The following HHAT variants were observed in gnomAD, a reference collection of about 807,000 sequenced individuals.
HHAT encodes hedgehog acyltransferase, also known as protein-cysteine N-palmitoyltransferase HHAT.
Under a neutral mutation model 70.8 loss-of-function variants are expected in HHAT, and 47 were observed. The observed-to-expected ratio is 0.66, with a 90% confidence interval of 0.53 to 0.85. The LOEUF is 0.85. Among genes scored for constraint, HHAT ranks in the 40% least tolerant of loss-of-function variants. The probability of loss-of-function intolerance (pLI) is 0.00; values close to 1 mark genes in which losing one functional copy is unlikely to be tolerated. For missense variants in HHAT, 609 were observed against 604.8 expected, an observed-to-expected ratio of 1.01 and a Z score of -0.07; for synonymous variants, 228 against 247.6, an observed-to-expected ratio of 0.92 and a Z score of 0.74.
intron 11 of HHAT, among the ~76,000 whole-genome samples, chr1:210,660,903 C>T (rs1261734651): frequency 6.6e-6 from 1 of 152,148 alleles, no homozygotes; most frequent in Non-Finnish European, 1.5e-5. Context: ...ACACCTTATA[C>T]AAACATTAAT....
intron 8 of HHAT, among the ~76,000 whole-genome samples, chr1:210,479,159 A>G (rs536020491): frequency 1.1e-4 from 16 of 152,312 alleles, no homozygotes; most frequent in African/African-American, 3.6e-4. Context: ...TTCATATTTG[A>G]TTCTTGGATG....
chr1:210,661,405 A>G (rs913269612), intron 11 of HHAT, among the ~76,000 whole-genome samples: 2 of 152,188 alleles, frequency 1.3e-5, no homozygotes, highest in African/African-American at 4.8e-5. Context: ...GAAACAACAG[A>G]TGCTGGAGAG....
chr1:210,362,234 TTC>T (rs1258502997), intron 2 of HHAT, among the ~76,000 whole-genome samples: 9 of 90,894 alleles, frequency 9.9e-5, no homozygotes, highest in Non-Finnish European at 1.5e-4. Context: ...GTGTCAAAAT[TTC>T]TTTTTTTTTT....
intron 9 of HHAT, among the ~76,000 whole-genome samples, chr1:210,522,959 A>G (rs924986099): frequency 3.3e-5 from 5 of 152,206 alleles, no homozygotes; most frequent in African/African-American, 7.2e-5. Context: ...GAAGTGTGTC[A>G]AAAGTGTTTT....
intron 9 of HHAT, among the ~76,000 whole-genome samples, chr1:210,518,612 G>A (rs180720584): frequency 2.5e-4 from 38 of 152,272 alleles, no homozygotes; most frequent in African/African-American, 8.9e-4. Context: ...GGCCAACATG[G>A]CAAAATCCCA....
upstream of HHAT, among the ~76,000 whole-genome samples, chr1:210,327,698 G>A (rs1266375949): frequency 6.6e-6 from 1 of 152,022 alleles, no homozygotes; most frequent in Non-Finnish European, 1.5e-5. Flanking sequence ...TAGAGACGGG[G>A]TCTCACCATG....
intron 11 of HHAT, among the ~76,000 whole-genome samples, chr1:210,672,976 T>C (rs1468645399): frequency 6.6e-6 from 1 of 152,220 alleles, no homozygotes; most frequent in African/African-American, 2.4e-5. Context: ...AATGCCTACA[T>C]TTCACAGTCG....
chr1:210,623,165 G>A (rs375991987), intron 10 of HHAT, among the ~76,000 whole-genome samples: 9 of 152,234 alleles, frequency 5.9e-5, no homozygotes, highest in Non-Finnish European at 8.8e-5. Context: ...TCGAACTCCC[G>A]GGCTGAAGCA....
intron 9 of HHAT, among the ~76,000 whole-genome samples, chr1:210,552,655 T>G (rs2095537074): frequency 6.6e-6 from 1 of 152,186 alleles, no homozygotes; most frequent in Non-Finnish European, 1.5e-5. Context: ...GTTTATAACC[T>G]TCTACCTCTT....
At chr1:210,403,533 T>C (rs1008934275) in intron 5 of HHAT, among the ~76,000 whole-genome samples, 15 of 152,216 alleles carry the variant, frequency 9.9e-5, no homozygotes, top group Non-Finnish European at 1.5e-4. Context: ...TCTCCTGATA[T>C]GATTATCCTC....
At chr1:210,401,494 C>T (rs142854879) in intron 5 of HHAT, among the ~76,000 whole-genome samples, 9 of 152,264 alleles carry the variant, frequency 5.9e-5, no homozygotes, top group East Asian at 5.8e-4. Context: ...TGTTTAGCCC[C>T]GAAGGGCACA....
chr1:210,672,931 T>C (rs1680378136), intron 11 of HHAT, among the ~76,000 whole-genome samples: 1 of 152,206 alleles, frequency 6.6e-6, no homozygotes, highest in Non-Finnish European at 1.5e-5. Flanking sequence ...ACTATGGGAC[T>C]CATGGACTTT....
chr1:210,363,043 T>C (rs11119470), intron 3 of HHAT, 124 bp downstream of exon 3: 96,198 of 811,668 alleles, frequency 0.12, 6,577 homozygotes, highest in Middle Eastern at 0.14. Flanking sequence ...AGCACCCTTT[T>C]TGCCGTAAAG....
In HHAT at chr1:210,596,331, A is replaced by G. The variant is rs576282065; in HGVS notation, c.1245+8232A>G. Among the ~76,000 whole-genome samples the G allele has an allele frequency of 4.1e-4, 62 of 152,302 alleles. 1 individual carries two copies. The highest frequency in any genetic ancestry group is 1.4e-3 in the African/African-American group (59 of 41,568). ...GGGTTAAATCTATTTGATGTTCAGT[A>G]ACCTTCCTGTACTTGAATACTGATA... On this transcript the variant is annotated intron_variant, in intron 10 of 11. Transcript: ENST00000261458.
intron 7 of HHAT, among the ~76,000 whole-genome samples, chr1:210,439,968 T>C (rs561220915): frequency 1.3e-5 from 2 of 151,942 alleles, no homozygotes; most frequent in South Asian, 4.1e-4. Context: ...TGTAATTTAA[T>C]AAAGCTAAGG....
intron 11 of HHAT, among the ~76,000 whole-genome samples, chr1:210,624,566 A>G (rs141008591): frequency 4.6e-5 from 7 of 152,272 alleles, no homozygotes; most frequent in Admixed American, 3.9e-4. Flanking sequence ...TTTTGTGTGA[A>G]TACTAGGGGC....
intron 9 of HHAT, among the ~76,000 whole-genome samples, chr1:210,542,871 T>A (rs2095444703): frequency 6.6e-6 from 1 of 152,182 alleles, no homozygotes; most frequent in Non-Finnish European, 1.5e-5. Flanking sequence ...ATTATACATA[T>A]ATGGATATAT....
At chr1:210,400,822 G>T (rs1035657054) in intron 5 of HHAT, among the ~76,000 whole-genome samples, 160 bp downstream of exon 5, 1 of 152,210 alleles carries the variant, frequency 6.6e-6, no homozygotes, top group Non-Finnish European at 1.5e-5. Context: ...AACCCTAGTG[G>T]TGCATTCTGC....
At chr1:210,381,637 A>G (rs1276380664) in intron 3 of HHAT, among the ~76,000 whole-genome samples, 3 of 152,150 alleles carry the variant, frequency 2.0e-5, no homozygotes, top group Non-Finnish European at 2.9e-5. Context: ...TCATTTGTAG[A>G]TGTAAACTTC....
Sources: allele counts gnomAD v4.1 joint callset (sites outside exome capture counted in the v4.1 genomes callset), GRCh38; gene constraint gnomAD v4.1.1; transcripts MANE v1.5; gene names NCBI Gene and HGNC (gene_info 2026-07-23, HGNC 2026-07-21).